GALNTL6: variants seen among roughly 807,000 people sequenced by gnomAD.
GALNTL6 encodes the protein polypeptide N-acetylgalactosaminyltransferase like 6.
A neutral mutation model predicts 73.7 loss-of-function variants in GALNTL6; 46 were observed. The observed-to-expected ratio is 0.62, with a 90% CI of 0.49 to 0.80. The LOEUF (loss-of-function observed/expected upper bound fraction) is 0.80. Ranked by LOEUF, GALNTL6 falls within the 30% of genes least tolerant of loss-of-function variation. GALNTL6 has a pLI of 0.00. For missense variants in GALNTL6, 604 were observed against 755.0 expected (o/e 0.80, Z 2.34); for synonymous variants, 259 against 263.7 (o/e 0.98, Z 0.17).
chr4:172,859,456 T>C (rs962239906), intron 7 of GALNTL6, among the ~76,000 whole-genome samples: 2 of 152,102 alleles, frequency 1.3e-5, no homozygotes, highest in Admixed American at 6.6e-5. Context: ...ACATCTTTGT[T>C]AGAAGGTAAG....
chr4:172,485,694 A>C (rs1733640447), intron 5 of GALNTL6, among the ~76,000 whole-genome samples: 1 of 152,190 alleles, frequency 6.6e-6, no homozygotes, highest in African/African-American at 2.4e-5. Context: ...GGAGTAAGAT[A>C]TGTTCCAAAT....
chr4:172,443,020 G>A (rs1325150115), intron 5 of GALNTL6, among the ~76,000 whole-genome samples: 1 of 148,452 alleles, frequency 6.7e-6, no homozygotes, highest in Non-Finnish European at 1.5e-5. Context: ...AAATATTTTG[G>A]TCTTTTTCAT....
At chr4:171,934,379 TTATG>T (rs1294609270) in intron 2 of GALNTL6, among the ~76,000 whole-genome samples, 1 of 152,142 alleles carries the variant, frequency 6.6e-6, no homozygotes, top group Non-Finnish European at 1.5e-5. Flanking sequence ...AGACCCTTCT[TTATG>T]TATGTATGTA....
At chr4:172,153,911 C>T (rs796116045) in intron 2 of GALNTL6, among the ~76,000 whole-genome samples, 40 of 152,238 alleles carry the variant, frequency 2.6e-4, no homozygotes, top group African/African-American at 9.4e-4. Context: ...TTCAAGGAGG[C>T]GTTGCCAAAA....
At chr4:172,249,814 T>C (rs971764411) in intron 3 of GALNTL6, among the ~76,000 whole-genome samples, 7 of 152,204 alleles carry the variant, frequency 4.6e-5, no homozygotes, top group Non-Finnish European at 1.0e-4. Context: ...CTAGATTTCA[T>C]AGGATGTATG....
At chr4:172,685,244 A>T (rs777503626) in intron 5 of GALNTL6, among the ~76,000 whole-genome samples, 1 of 152,146 alleles carries the variant, frequency 6.6e-6, no homozygotes, top group Non-Finnish European at 1.5e-5. Flanking sequence ...ATGCCACAGC[A>T]AGTCATTTAG....
intron 2 of GALNTL6, among the ~76,000 whole-genome samples, chr4:171,946,105 G>T (rs969630970): frequency 1.3e-5 from 2 of 152,102 alleles, no homozygotes; most frequent in African/African-American, 4.8e-5. Context: ...AGCAAGCTGG[G>T]TATTGCCAAT....
intron 5 of GALNTL6, among the ~76,000 whole-genome samples, chr4:172,745,790 C>T (rs1396889506): frequency 6.6e-6 from 1 of 151,990 alleles, no homozygotes; most frequent in East Asian, 1.9e-4. Flanking sequence ...GTTGAATAAC[C>T]ATACTTTTCA....
intron 5 of GALNTL6, among the ~76,000 whole-genome samples, chr4:172,550,270 C>T (rs911882008): frequency 6.6e-6 from 1 of 152,132 alleles, no homozygotes; most frequent in African/African-American, 2.4e-5. Context: ...TCATTATACT[C>T]CCATTGATAG....
chr4:172,586,594 C>A (rs1164362937), intron 5 of GALNTL6, among the ~76,000 whole-genome samples: 2 of 152,072 alleles, frequency 1.3e-5, no homozygotes, highest in African/African-American at 4.8e-5. Flanking sequence ...CTGTGGAGGA[C>A]TATATCTGGA....
intron 8 of GALNTL6, among the ~76,000 whole-genome samples, chr4:172,898,118 T>G (rs1746425585): frequency 6.6e-6 from 1 of 152,052 alleles, no homozygotes; most frequent in African/African-American, 2.4e-5. Flanking sequence ...TAGGCCAGAT[T>G]TTGATCTTAA....
At chr4:172,941,853 C>G (rs543746667) in intron 9 of GALNTL6, among the ~76,000 whole-genome samples, 1 of 152,294 alleles carries the variant, frequency 6.6e-6, no homozygotes, top group African/African-American at 2.4e-5. Context: ...CATGGGAGCA[C>G]CTGGATGGTA....
intron 5 of GALNTL6, among the ~76,000 whole-genome samples, chr4:172,806,947 A>C (rs1740996838): frequency 6.6e-6 from 1 of 152,216 alleles, no homozygotes; most frequent in South Asian, 2.1e-4. Flanking sequence ...AATATTTATT[A>C]TTGTGGGTAA....
intron 4 of GALNTL6, among the ~76,000 whole-genome samples, chr4:172,321,212 G>T (rs926682309): frequency 3.9e-5 from 6 of 152,080 alleles, no homozygotes; most frequent in Admixed American, 3.3e-4. Context: ...TCTACTAGGG[G>T]TCGTGGAACA....
intron 3 of GALNTL6, among the ~76,000 whole-genome samples, chr4:172,265,810 A>G (rs1461179401): frequency 2.0e-5 from 3 of 152,046 alleles, no homozygotes; most frequent in African/African-American, 4.8e-5. Context: ...TTAATCAAAC[A>G]TAGTATATTA....
intron 3 of GALNTL6, among the ~76,000 whole-genome samples, chr4:172,233,992 T>C (rs1021839116): frequency 6.6e-6 from 1 of 152,014 alleles, no homozygotes; most frequent in Non-Finnish European, 1.5e-5. Flanking sequence ...TTAATCTTAG[T>C]AAACTAATAT....
chr4:172,594,440 A>G (rs1267225843), intron 5 of GALNTL6, among the ~76,000 whole-genome samples: 1 of 152,228 alleles, frequency 6.6e-6, no homozygotes, highest in African/African-American at 2.4e-5. Context: ...TGATAAATGT[A>G]TCCATTAAAT....
At chr4:172,456,893 A>G (rs978523614) in intron 5 of GALNTL6, among the ~76,000 whole-genome samples, 11 of 152,106 alleles carry the variant, frequency 7.2e-5, no homozygotes, top group African/African-American at 2.7e-4. Context: ...CCCAAAACAC[A>G]TAATTGTCAG....
At chr4:172,523,636 A>G (rs1734857710) in intron 5 of GALNTL6, among the ~76,000 whole-genome samples, 1 of 152,112 alleles carries the variant, frequency 6.6e-6, no homozygotes, top group South Asian at 2.1e-4. Context: ...AAATGCTGGG[A>G]TTACAGTCAT....
Sources: allele counts gnomAD v4.1 joint callset (sites outside exome capture counted in the v4.1 genomes callset), GRCh38; gene constraint gnomAD v4.1.1; transcripts MANE v1.5; gene names NCBI Gene and HGNC (gene_info 2026-07-23, HGNC 2026-07-21).